Variants in FMR1 observed in about 807,000 individuals in gnomAD.
FMR1 encodes the protein FMRP translational regulator 1.
A neutral mutation model predicts 50.6 loss-of-function variants in FMR1; 13 were observed. The observed-to-expected ratio is 0.26, with a 90% CI of 0.17 to 0.41. The LOEUF is 0.41. FMR1 is among the 10% of genes least tolerant of loss of function. FMR1 has a pLI of 1.00. For missense variants in FMR1, 316 were observed against 491.3 expected (o/e 0.64, Z 3.37); for synonymous variants, 138 against 164.1 (o/e 0.84, Z 1.22).
At chrX:147,940,941 G>A (rs1180340779) in intron 13 of FMR1, among the ~76,000 whole-genome samples, 1 of 111,443 alleles carries the variant, frequency 9.0e-6, no homozygotes, top group African/African-American at 3.3e-5. Context: ...CCTGTACATA[G>A]CCTGTTAATC....
intron 15 of FMR1, 112 bp downstream of exon 15, chrX:147,945,163 T>G (rs1328544441): frequency 9.3e-7 from 1 of 1,071,378 alleles, no homozygotes; most frequent in East Asian, 3.3e-5. Context: ...CTCTCCCGTT[T>G]TGTGCTGATA....
intron 5 of FMR1, among the ~76,000 whole-genome samples, chrX:147,929,406 T>C (rs1557178208): frequency 9.0e-6 from 1 of 111,196 alleles, no homozygotes; most frequent in Admixed American, 9.6e-5. Flanking sequence ...CTAGAGATTG[T>C]GTATGTGTGT....
At chrX:147,921,275 G>T (rs782593700) in intron 1 of FMR1, among the ~76,000 whole-genome samples, 17 of 110,254 alleles carry the variant, frequency 1.5e-4, no homozygotes, top group African/African-American at 5.6e-4. Flanking sequence ...TAGCTATTTT[G>T]TCTGTCTTTG....
chrX:147,947,506 C>T (rs1295030757), intron 16 of FMR1: 1 of 108,892 alleles, frequency 9.2e-6, no homozygotes, highest in African/African-American at 3.4e-5. Flanking sequence ...GTCAGGAGAT[C>T]GAGACCATCC....
chrX:147,926,326 G>C (rs1372933932), intron 3 of FMR1, among the ~76,000 whole-genome samples: 5 of 111,260 alleles, frequency 4.5e-5, no homozygotes, highest in Non-Finnish European at 7.5e-5. Context: ...ACTCCATTTT[G>C]AGCTGCTTCT....
chrX:147,914,861 TTTG>T (rs1292973150), intron 1 of FMR1, among the ~76,000 whole-genome samples: 4 of 111,970 alleles, frequency 3.6e-5, no homozygotes, highest in African/African-American at 1.3e-4. Context: ...CCCCACATAA[TTTG>T]TTTTCTTTGG....
intron 2 of FMR1, chrX:147,924,918 G>A (rs2043334415): frequency 9.0e-6 from 1 of 111,660 alleles, no homozygotes; most frequent in Non-Finnish European, 1.9e-5. Flanking sequence ...AACTCCTATA[G>A]GCTGTCTCCA....
intron 9 of FMR1, 146 bp downstream of exon 9, chrX:147,932,909 TTTA>T (rs782677149): frequency 3.3e-4 from 154 of 463,661 alleles, no homozygotes; most frequent in Non-Finnish European, 5.0e-4. Flanking sequence ...GTTCTTTTTT[TTTA>T]TTATTTAAGT....
intron 16 of FMR1, among the ~76,000 whole-genome samples, chrX:147,946,576 C>T (rs1488806764): frequency 8.9e-6 from 1 of 112,570 alleles, no homozygotes; most frequent in Non-Finnish European, 1.9e-5. Context: ...CAGCAACCCA[C>T]TGAGGTAGTT....
At position 147,928,318 on chromosome X, in the gene FMR1, G is replaced by T; in HGVS notation, c.199-4G>T. 1 of 1,193,376 alleles carries T rather than the reference G, an allele frequency of 8.4e-7. No individual in the cohort carries two copies. Among genetic ancestry groups the T allele is most frequent in the Non-Finnish European group, 1.1e-6 (1 of 879,193 alleles). ...AAATATTCTGTGTTGTAATTTTTGT[G>T]TAGGTGTATTCCAGAGCAAATGAAA... On this transcript the variant is annotated splice_region_variant and splice_polypyrimidine_tract_variant and intron_variant, in intron 3 of 16. Coordinates refer to ENST00000370475, the MANE Select transcript of FMR1 (RefSeq NM_002024.6).
Position 147,950,312 on chromosome X carries a change from T to C in FMR1, c.*1468T>C. ...ACAAGCATATAAAATGGCAACAAAC[T>C]GCACATGATTTCACAAATATTAAAA... On this transcript the variant is annotated 3_prime_UTR_variant, in exon 17 of 17. Transcript: ENST00000370475. 3.0e-6 allele frequency: 1 copy of C among 329,513 alleles called. No individual in the cohort carries two copies. The highest frequency in any genetic ancestry group is 2.6e-5 in the African/African-American group (1 of 38,301). The allele number at this position is 329,513 out of a possible 1,213,427, so 27.2% of individuals were successfully genotyped here. A position where few individuals can be genotyped will look rare whatever the true frequency, so the allele number is the denominator to read the frequency against.
At chrX:147,934,810 C>T (rs185886633) in intron 9 of FMR1, among the ~76,000 whole-genome samples, 2 of 112,053 alleles carry the variant, frequency 1.8e-5, no homozygotes, top group East Asian at 5.6e-4. Context: ...GTGTAAGATT[C>T]TGCAAGGCAG....
chrX:147,950,752 G>A lies in FMR1; in HGVS notation c.*1908G>A, dbSNP rs1557183561. 3 of 319,017 alleles carry A rather than the reference G, an allele frequency of 9.4e-6. No homozygotes were observed. The highest frequency in any genetic ancestry group is 9.7e-5 in the East Asian group (1 of 10,262). 26.3% of individuals were successfully genotyped at this position (319,017 alleles called of 1,213,427 possible). ...TAACTGTTACCATTGGAAATTTCAC[G>A]TCATAGGAAGTTAGCCTTTATCTAC... is the stretch of plus-strand genomic sequence containing the variant. On this transcript the variant is annotated 3_prime_UTR_variant, in exon 17 of 17. Transcript: ENST00000370475.
chrX:147,917,943 C>G (rs1557175570), intron 1 of FMR1, among the ~76,000 whole-genome samples: 1 of 111,841 alleles, frequency 8.9e-6, no homozygotes, highest in Non-Finnish European at 1.9e-5. Flanking sequence ...TAGTCCTCAC[C>G]CAATACACTT....
intron 16 of FMR1, among the ~76,000 whole-genome samples, chrX:147,946,594 T>C (rs2044176337): frequency 8.9e-6 from 1 of 112,660 alleles, no homozygotes. Context: ...GTTTTATTAT[T>C]CCACTTTATA....
chrX:147,922,030 T>G (rs782728214), intron 2 of FMR1, 45 bp downstream of exon 2: 1 of 799,615 alleles, frequency 1.3e-6, no homozygotes. Context: ...TTCTTTAATA[T>G]TTTATGCTAA....
chrX:147,949,244 A>T lies in FMR1; in HGVS notation c.*400A>T, dbSNP rs781988521. On this transcript the variant is annotated 3_prime_UTR_variant, in exon 17 of 17. Transcript: ENST00000370475. ...ATTAGACTTCTGTTTTCAATCTCGT[A>T]TAGAAGTCTTCATGAAATGCTATGT... The T allele has an allele frequency of 2.6e-4, 85 of 330,668 alleles. No individual in the cohort carries two copies. The highest frequency in any genetic ancestry group is 2.1e-3 in the African/African-American group (80 of 37,434). The allele number at this position is 330,668 out of a possible 1,213,427, so 27.3% of individuals were successfully genotyped here.
intron 7 of FMR1, among the ~76,000 whole-genome samples, chrX:147,931,999 C>T (rs936587596): frequency 1.8e-5 from 2 of 111,146 alleles, no homozygotes; most frequent in African/African-American, 3.3e-5. Context: ...AAAAATGAAG[C>T]GAATAAAATT....
Position 147,937,537 on chromosome X carries a change from A to G in FMR1, c.1062A>G (p.Lys354=). 8.4e-7 allele frequency: 1 copy of G among 1,193,069 alleles called. No individual in the cohort carries two copies. The highest frequency in any genetic ancestry group is 1.1e-6 in the Non-Finnish European group (1 of 878,886). The stretch of plus-strand genomic sequence containing the variant: ...GACCTAATGCCCCAGAAGAAAAAAA[A>G]CATTTAGATATAAAGGAAAACAGCA... ...RVGPNAPEEK[K]HLDIKENSTH... Residue 354 remains lysine (K), a synonymous_variant, in exon 11 of 17, where the codon AAA becomes AAG. Transcript: ENST00000370475.
Sources: gnomAD v4.1 joint callset for allele counts (sites outside exome capture counted in the v4.1 genomes callset) on GRCh38, gnomAD v4.1.1 for gene constraint, MANE v1.5 for transcripts, NCBI Gene and HGNC (gene_info 2026-07-23, HGNC 2026-07-21) for gene names.